The following SEC24D variants were observed in gnomAD, a reference collection of about 807,000 sequenced individuals.
SEC24D encodes protein transport protein Sec24D.
SEC24D carries 69 observed loss-of-function variants against 116.9 expected under a neutral mutation model. The observed-to-expected ratio is 0.59, with a 90% CI of 0.49 to 0.72. The LOEUF (loss-of-function observed/expected upper bound fraction) is 0.72, where lower values mean the gene tolerates loss of function less well. Among genes scored for constraint, SEC24D ranks in the 30% least tolerant of loss-of-function variants. The pLI is 0.00. For synonymous variants in SEC24D, 405 were observed against 442.8 expected (o/e 0.91, Z 1.07); for missense variants, 1,131 against 1,264.1 (o/e 0.89, Z 1.60).
chr4:118,833,734 A>C lies in SEC24D; in HGVS notation c.-38T>G. ...ATTCCATAGGATAATTCTACAAAAG[A>C]AGTCTGCAACAGAGAAACAAGAAAC... On this transcript the variant is annotated 5_prime_UTR_variant, in exon 2 of 23. Coordinates refer to ENST00000280551, the MANE Select transcript of SEC24D (RefSeq NM_014822.4). 1.4e-6 allele frequency: 2 copies of C among 1,440,794 alleles called. No homozygotes were observed. Among genetic ancestry groups the C allele is most frequent in the Non-Finnish European group, 1.9e-6 (2 of 1,033,058 alleles). The allele number at this position is 1,440,794 out of a possible 1,614,324, so 89.3% of individuals were successfully genotyped here. A position where few individuals can be genotyped will look rare whatever the true frequency, so the allele number is the denominator to read the frequency against.
intron 12 of SEC24D, 98 bp from the exon 13 acceptor site, chr4:118,752,187 G>A: frequency 1.3e-6 from 1 of 765,056 alleles, no homozygotes; most frequent in South Asian, 1.8e-5. Flanking sequence ...AACACATATG[G>A]TATTTATTTG....
chr4:118,746,738 C>T (rs1398273529), intron 13 of SEC24D, among the ~76,000 whole-genome samples: 2 of 152,196 alleles, frequency 1.3e-5, no homozygotes, highest in East Asian at 3.9e-4. Context: ...CACAGTGTGC[C>T]TGGCTCATTT....
chr4:118,817,731 C>T (rs1042560694), intron 3 of SEC24D, among the ~76,000 whole-genome samples: 6 of 152,150 alleles, frequency 3.9e-5, no homozygotes, highest in African/African-American at 1.2e-4. Context: ...TAATCATCAA[C>T]AGAATGAAAA....
intron 6 of SEC24D, among the ~76,000 whole-genome samples, chr4:118,812,493 A>C (rs1729960352): frequency 6.6e-6 from 1 of 152,112 alleles, no homozygotes; most frequent in South Asian, 2.1e-4. Context: ...CGTGGAGAGG[A>C]GCACATCAGC....
chr4:118,780,152 A>ATG, intron 8 of SEC24D, among the ~76,000 whole-genome samples: 1 of 151,420 alleles, frequency 6.6e-6, no homozygotes, highest in Admixed American at 6.6e-5. Context: ...TAGCTTTTGA[A>ATG]TGTTTGCTCT....
chr4:118,733,075 A>C, intron 19 of SEC24D, 163 bp from the exon 20 acceptor site: 1 of 594,620 alleles, frequency 1.7e-6, no homozygotes. Context: ...TAACTGGCAC[A>C]GAGTAGGCAT....
chr4:118,762,575 C>T (rs1727436870), intron 10 of SEC24D, among the ~76,000 whole-genome samples: 1 of 152,116 alleles, frequency 6.6e-6, no homozygotes, highest in Admixed American at 6.6e-5. Context: ...TTTTGTAATT[C>T]CTCTTTCCAA....
In SEC24D at chr4:118,818,158, C is replaced by T. The variant is rs184789231; in HGVS notation, c.249-746G>A. ...CAATGGCCGCTATCTGGACAATGTG[C>T]CTAGCATGGTTAATCTGCCAAATGC... On this transcript the variant is annotated intron_variant, in intron 3 of 22. Transcript: ENST00000280551. Among the ~76,000 whole-genome samples, 193 of 152,318 alleles carry T rather than the reference C, an allele frequency of 1.3e-3. 2 individuals are homozygous for T. The highest frequency in any genetic ancestry group is 1.7e-3 in the Non-Finnish European group (118 of 68,032).
chr4:118,817,185 TA>T lies in SEC24D; in HGVS notation c.397+78del. On this transcript the variant is annotated intron_variant, in intron 4 of 22. Transcript: ENST00000280551. ...CAGTATGCCCTAGTTACATCTATTTTAAAAATGAAGAAAACCTCTCTCATTA... is the reference window on the plus strand; with the variant it reads ...CAGTATGCCCTAGTTACATCTATTTTAAAATGAAGAAAACCTCTCTCATTA... 4 of 1,238,924 alleles carry T rather than the reference TA, an allele frequency of 3.2e-6. 1 individual carries two copies. The South Asian group carries it at 4.9e-5, about 15-fold the overall frequency. 76.7% of individuals were successfully genotyped at this position (1,238,924 alleles called of 1,614,324 possible).
intron 6 of SEC24D, among the ~76,000 whole-genome samples, chr4:118,806,563 G>C (rs2110514726): frequency 6.6e-6 from 1 of 151,892 alleles, no homozygotes; most frequent in African/African-American, 2.4e-5. Context: ...AAACTCCTGG[G>C]TGCAAGCAAT....
chr4:118,833,763 T>A lies in SEC24D; in HGVS notation c.-41-26A>T, dbSNP rs114724233. The A allele has an allele frequency of 0.051, 55,113 of 1,085,076 alleles. 1,846 individuals carry two copies. The highest frequency in any genetic ancestry group is 0.061 in the Non-Finnish European group (44,368 of 724,234). 67.2% of individuals were successfully genotyped at this position (1,085,076 alleles called of 1,614,324 possible). A position where few individuals can be genotyped will look rare whatever the true frequency, so the allele number is the denominator to read the frequency against. Reference sequence around the variant, plus strand: ...CTGCAACAGAGAAACAAGAAACATGTTACCAAGACAGTTTTAGTTACGTAA... The same window carrying A: ...CTGCAACAGAGAAACAAGAAACATGATACCAAGACAGTTTTAGTTACGTAA... On this transcript the variant is annotated intron_variant, in intron 1 of 22. Transcript: ENST00000280551.
chr4:118,791,223 A>C lies in SEC24D; in HGVS notation c.1041+6460T>G, dbSNP rs77884749. 1.8e-3 allele frequency among the ~76,000 whole-genome samples: 269 copies of C among 152,214 alleles called. 6 individuals are homozygous for C. In the East Asian group the frequency reaches 0.044, roughly 25 times the overall value. On this transcript the variant is annotated intron_variant, in intron 8 of 22. Coordinates refer to ENST00000280551, the MANE Select transcript of SEC24D (RefSeq NM_014822.4). ...CAGAAGTTCATTTTTGGACACGTTA[A>C]GTTTGAGGTTTCTATGAAGCACCCA... is the stretch of plus-strand genomic sequence containing the variant.
At chr4:118,756,770 A>T (rs1727119879) in intron 11 of SEC24D, among the ~76,000 whole-genome samples, 1 of 152,172 alleles carries the variant, frequency 6.6e-6, no homozygotes. Flanking sequence ...TCCTTACTAG[A>T]TGTTATTCCT....
At chr4:118,728,679 TAC>T in intron 21 of SEC24D, 29 bp from the exon 22 acceptor site, 1 of 1,310,744 alleles carries the variant, frequency 7.6e-7, no homozygotes, top group Non-Finnish European at 1.1e-6. Context: ...AAAGTTTTAG[TAC>T]AGTTTATAAC....
Position 118,833,676 on chromosome 4 carries a change from C to T in SEC24D, c.21G>A (p.Val7=). Residue 7 remains valine, a synonymous_variant, in exon 2 of 23, where the codon GTG becomes GTA. Coordinates refer to ENST00000280551, the MANE Select transcript of SEC24D (RefSeq NM_014822.4). ...GAGGCTGAGAATACGGAGGTGTAGC[C>T]ACGTAACCTTGTTGACTCATTATGA... is the stretch of plus-strand genomic sequence containing the variant. MSQQGY[V]ATPPYSQPQP... is the part of the protein sequence containing the mutation. 6.2e-7 allele frequency: 1 copy of T among 1,613,120 alleles called. No individual in the cohort carries two copies. Among genetic ancestry groups the T allele is most frequent in the Non-Finnish European group, 8.5e-7 (1 of 1,179,516 alleles).
At chr4:118,746,633 C>T (rs916820128) in intron 13 of SEC24D, among the ~76,000 whole-genome samples, 2 of 152,072 alleles carry the variant, frequency 1.3e-5, no homozygotes, top group African/African-American at 2.4e-5. Context: ...GGATACACCA[C>T]ATGCTTTACA....
At chr4:118,778,019 T>C (rs1218826978) in intron 8 of SEC24D, among the ~76,000 whole-genome samples, 2 of 152,210 alleles carry the variant, frequency 1.3e-5, no homozygotes, top group African/African-American at 2.4e-5. Context: ...CTTTGTCAGA[T>C]GGGTAGATTG....
chr4:118,724,015 G>A (rs907731450), intron 22 of SEC24D, among the ~76,000 whole-genome samples: 3 of 152,202 alleles, frequency 2.0e-5, no homozygotes, highest in Non-Finnish European at 4.4e-5. Context: ...TGGCTGGCAT[G>A]TAAATTATCA....
rs770678083 is a variant in SEC24D at position 118,723,551 on chromosome 4, A to C, written c.3063T>G (p.Cys1021Trp). ...GCTGACAGATCTCCTTGTGAACACA[A>C]CAAAGGAAATCCACATAAGAAGAGC... Reference protein sequence around the residue: ...YGGSSYVDFLCCVHKEICQLL... With the variant: ...YGGSSYVDFLWCVHKEICQLL... Residue 1021 changes from cysteine (C) to tryptophan (W), a missense_variant, in exon 23 of 23, where the codon TGT (cysteine) becomes TGG (tryptophan). Coordinates refer to ENST00000280551, the MANE Select transcript of SEC24D (RefSeq NM_014822.4). The C allele has an allele frequency of 1.1e-5, 17 of 1,613,946 alleles. No individual in the cohort carries two copies. The Middle Eastern group carries it at 4.9e-4, about 47-fold the overall frequency.
Sources: allele counts gnomAD v4.1 joint callset (sites outside exome capture counted in the v4.1 genomes callset), GRCh38; gene constraint gnomAD v4.1.1; transcripts MANE v1.5; gene names NCBI Gene and HGNC (gene_info 2026-07-23, HGNC 2026-07-21).